Variants in ATG7 observed in about 807,000 individuals in gnomAD.
ATG7 encodes the protein autophagy related 7, also known as ubiquitin-like modifier-activating enzyme ATG7.
In ATG7, 70 loss-of-function variants were observed where a neutral mutation model predicts 82.4. The ratio of observed to expected loss-of-function variants is 0.85; its 90% CI spans 0.70 to 1.04. ATG7 has a LOEUF of 1.04. Ranked by LOEUF, ATG7 falls within the 50% of genes least tolerant of loss-of-function variation. The probability of loss-of-function intolerance (pLI) is 0.00; values close to 1 mark genes in which losing one functional copy is unlikely to be tolerated. For missense variants in ATG7, 792 were observed against 864.3 expected, an observed-to-expected ratio of 0.92 and a Z score of 1.05; for synonymous variants, 287 against 313.0, an observed-to-expected ratio of 0.92 and a Z score of 0.88.
At chr3:11,440,355 C>T (rs566549911) in intron 20 of ATG7, among the ~76,000 whole-genome samples, 8 of 114,464 alleles carry the variant, frequency 7.0e-5, no homozygotes, top group African/African-American at 1.0e-4. Flanking sequence ...GACGGAGTCT[C>T]GCTCTGTCGC....
chr3:11,444,319 T>G (rs1376794483), intron 20 of ATG7, among the ~76,000 whole-genome samples: 1 of 152,210 alleles, frequency 6.6e-6, no homozygotes, highest in Non-Finnish European at 1.5e-5. Context: ...CAACCTTCTT[T>G]TCATTATCAC....
the ATG7 span, among the ~76,000 whole-genome samples, chr3:11,570,169 T>C: frequency 1.3e-5 from 2 of 152,062 alleles, no homozygotes; most frequent in African/African-American, 4.8e-5. Flanking sequence ...AGGCTTTGCC[T>C]AGACATGCTG....
At chr3:11,483,734 G>A (rs926246676) in intron 20 of ATG7, among the ~76,000 whole-genome samples, 6 of 152,136 alleles carry the variant, frequency 3.9e-5, no homozygotes, top group Non-Finnish European at 1.5e-5. Context: ...GAAATCGGAG[G>A]ACTCACAGAT....
intron 20 of ATG7, chr3:11,477,353 G>A (rs530032480): frequency 2.7e-6 from 3 of 1,113,298 alleles, no homozygotes; most frequent in East Asian, 6.6e-5. Context: ...GTTCAGTAAT[G>A]AATGTAAGTT....
chr3:11,288,628 T>C (rs1944462427), intron 3 of ATG7: 1 of 152,168 alleles, frequency 6.6e-6, no homozygotes, highest in South Asian at 2.1e-4. Context: ...CCCACACTCC[T>C]CTCTCCTCAC....
chr3:11,320,169 C>T, intron 9 of ATG7, among the ~76,000 whole-genome samples: 1 of 152,064 alleles, frequency 6.6e-6, no homozygotes, highest in Non-Finnish European at 1.5e-5. Flanking sequence ...CTACCCCTCC[C>T]TCCCCCTACC....
intron 20 of ATG7, among the ~76,000 whole-genome samples, chr3:11,481,837 GTTT>G (rs747265672): frequency 7.6e-4 from 116 of 152,340 alleles, no homozygotes; most frequent in Non-Finnish European, 1.4e-3. Flanking sequence ...GTGGACCGCA[GTTT>G]ATTTATCTGT....
chr3:11,401,725 A>C (rs2079855192), intron 19 of ATG7, among the ~76,000 whole-genome samples: 2 of 152,162 alleles, frequency 1.3e-5, no homozygotes, highest in African/African-American at 4.8e-5. Flanking sequence ...TCTGCCTCCT[A>C]CTAAATGGCA....
intron 20 of ATG7, among the ~76,000 whole-genome samples, chr3:11,495,850 T>G (rs2090786673): frequency 6.6e-6 from 1 of 152,238 alleles, no homozygotes; most frequent in Non-Finnish European, 1.5e-5. Context: ...TCTCCCTTTA[T>G]TTTCTCTTAA....
At chr3:11,482,936 C>T (rs928986526) in intron 20 of ATG7, among the ~76,000 whole-genome samples, 3 of 151,516 alleles carry the variant, frequency 2.0e-5, no homozygotes, top group African/African-American at 7.3e-5. Context: ...ACTTGAGAAG[C>T]CCCCCCTTGA....
intron 14 of ATG7, among the ~76,000 whole-genome samples, chr3:11,349,038 G>A (rs1050648261): frequency 5.9e-5 from 9 of 152,038 alleles, no homozygotes; most frequent in Non-Finnish European, 1.3e-4. Flanking sequence ...GACACAGAGC[G>A]CTGATTGGTG....
Position 11,382,582 on chromosome 3 carries a change from C to A in ATG7, c.1956+2530C>A, listed in dbSNP as rs577862501. 1.2e-4 allele frequency among the ~76,000 whole-genome samples: 18 copies of A among 152,272 alleles called. No homozygotes were observed. The South Asian group carries it at 3.5e-3, about 30-fold the overall frequency. On this transcript the variant is annotated intron_variant, in intron 19 of 20. Transcript: ENST00000693202. ...CAGATGGTATTTGTCAATGAAATTTCAAAAGACCTTATTTGACGTTTATAT... is the reference window on the plus strand; with the variant it reads ...CAGATGGTATTTGTCAATGAAATTTAAAAAGACCTTATTTGACGTTTATAT...
intron 20 of ATG7, among the ~76,000 whole-genome samples, chr3:11,497,369 A>ATATG (rs2090922727): frequency 3.0e-5 from 2 of 66,530 alleles, no homozygotes; most frequent in African/African-American, 6.4e-5. Flanking sequence ...ATATATATAT[A>ATATG]TATATATATA....
the ATG7 span, chr3:11,568,823 C>G: frequency 7.0e-7 from 1 of 1,421,754 alleles, no homozygotes; most frequent in South Asian, 1.5e-5. The surrounding 1 kb of genome is among the most constrained non-coding windows in gnomAD (Gnocchi z 5.9). Flanking sequence ...CCGCGAACAC[C>G]CAAAGGACTC....
chr3:11,299,427 ATTTG>A lies in ATG7; in HGVS notation c.215+14_215+17del, dbSNP rs767351245. The A allele has an allele frequency of 6.2e-7, 1 of 1,604,510 alleles. No homozygotes were observed. ...CAGTGCTTTTGACATGTGAGTATTT[ATTTG>A]TTCAAAATCTGAAGTAAAGAATACT... On this transcript the variant is annotated intron_variant, in intron 5 of 20. Transcript: ENST00000693202.
intron 9 of ATG7, among the ~76,000 whole-genome samples, chr3:11,330,407 A>G (rs1425767843): frequency 2.6e-5 from 4 of 152,184 alleles, no homozygotes; most frequent in African/African-American, 9.7e-5. Context: ...TTATAATTCA[A>G]CATCATATTA....
intron 20 of ATG7, among the ~76,000 whole-genome samples, chr3:11,452,856 C>T (rs983131296): frequency 1.3e-5 from 2 of 152,110 alleles, no homozygotes; most frequent in African/African-American, 4.8e-5. Context: ...CAAAGTAACA[C>T]CTCCATGTTA....
chr3:11,317,632 G>A lies in ATG7; in HGVS notation c.678+2139G>A, dbSNP rs111880449. On this transcript the variant is annotated intron_variant, in intron 9 of 20. Coordinates refer to ENST00000693202, the MANE Select transcript of ATG7 (RefSeq NM_001349232.2). ...TTTTGAGGCAGAGTCTTGCTCTGTC[G>A]CCCAGGCTGAAGTACAGTGGCACGA... 1.2e-3 allele frequency among the ~76,000 whole-genome samples: 147 copies of A among 124,936 alleles called. 1 individual carries two copies. The highest frequency in any genetic ancestry group is 3.9e-3 in the African/African-American group (128 of 32,754). The allele number at this position is 124,936 out of a possible 152,430, so 82.0% of individuals were successfully genotyped here.
At chr3:11,341,758 AG>A (rs1953676742) in intron 12 of ATG7, among the ~76,000 whole-genome samples, 1 of 152,096 alleles carries the variant, frequency 6.6e-6, no homozygotes, top group Non-Finnish European at 1.5e-5. Context: ...TGAGCGCAGG[AG>A]ATATGGGAGG....
Sources: gnomAD v4.1 joint callset for allele counts (sites outside exome capture counted in the v4.1 genomes callset) on GRCh38, gnomAD v4.1.1 for gene constraint, Gnocchi (gnomAD v3.1) non-coding constraint, MANE v1.5 for transcripts, NCBI Gene and HGNC (gene_info 2026-07-23, HGNC 2026-07-21) for gene names.